The following HEXB variants were observed in gnomAD, a reference collection of about 807,000 sequenced individuals.
HEXB encodes hexosaminidase subunit beta.
A neutral mutation model predicts 71.2 loss-of-function variants in HEXB; 51 were observed. The observed-to-expected ratio is 0.72, with a 90% confidence interval of 0.57 to 0.90. The LOEUF (loss-of-function observed/expected upper bound fraction) is 0.90. HEXB is among the 40% of genes least tolerant of loss of function. The pLI is 0.00. For missense variants in HEXB, 617 were observed against 677.0 expected, an observed-to-expected ratio of 0.91 and a Z score of 0.98; for synonymous variants, 266 against 249.3, an observed-to-expected ratio of 1.07 and a Z score of -0.63.
chr5:74,714,711 A>AT (rs1254130941), intron 7 of HEXB, among the ~76,000 whole-genome samples: 10 of 152,292 alleles, frequency 6.6e-5, no homozygotes, highest in African/African-American at 1.4e-4. Flanking sequence ...CTATCATGTA[A>AT]TTTTTTTGAG....
intron 1 of HEXB, among the ~76,000 whole-genome samples, chr5:74,673,498 T>A (rs938874961): frequency 2.0e-5 from 3 of 152,154 alleles, no homozygotes; most frequent in Non-Finnish European, 4.4e-5. Flanking sequence ...ACAAATTGTA[T>A]CACTGTCCAT....
intron 1 of HEXB, among the ~76,000 whole-genome samples, chr5:74,651,011 T>C (rs1748096580): frequency 6.6e-6 from 1 of 151,776 alleles, no homozygotes; most frequent in Non-Finnish European, 1.5e-5. Context: ...TCTCTTACAA[T>C]GATGTAATGT....
intron 1 of HEXB, among the ~76,000 whole-genome samples, chr5:74,660,226 T>C (rs1450266077): frequency 4.6e-5 from 7 of 152,218 alleles, no homozygotes; most frequent in South Asian, 4.1e-4. Flanking sequence ...CCAAACAATA[T>C]GTTCAGCCCT....
intron 3 of HEXB, among the ~76,000 whole-genome samples, chr5:74,695,612 G>C (rs1410065967): frequency 6.6e-6 from 1 of 151,130 alleles, no homozygotes; most frequent in Non-Finnish European, 1.5e-5. Context: ...AGGCCGAGGT[G>C]GGTGGATCAC....
chr5:74,708,118 A>ACAGTG lies in HEXB; in HGVS notation c.771+2799_771+2803dup, dbSNP rs1239586182. Among the ~76,000 whole-genome samples the ACAGTG allele has an allele frequency of 1.8e-3, 273 of 152,070 alleles. 3 individuals are homozygous for ACAGTG. Among genetic ancestry groups the ACAGTG allele is most frequent in the African/African-American group, 6.2e-3 (256 of 41,466 alleles). On this transcript the variant is annotated intron_variant, in intron 6 of 13. Transcript: ENST00000261416. ...CGGCAGAAACTCTACAAGCCAGAAG[A>ACAGTG]CAGTGGGGGCCAATATTCAACATTC...
At chr5:74,653,837 C>A (rs1220381973) in intron 1 of HEXB, among the ~76,000 whole-genome samples, 2 of 152,050 alleles carry the variant, frequency 1.3e-5, no homozygotes, top group African/African-American at 4.8e-5. Flanking sequence ...TTATTGAACG[C>A]CTACTATGTG....
Position 74,712,426 on chromosome 5 carries a change from A to G in HEXB, c.772-1080A>G, listed in dbSNP as rs554919803. Among the ~76,000 whole-genome samples, 43 of 134,764 alleles carry G rather than the reference A, an allele frequency of 3.2e-4. No individual in the cohort carries two copies. The South Asian group carries it at 8.5e-3, about 27-fold the overall frequency. The allele number at this position is 134,764 out of a possible 152,430, so 88.4% of individuals were successfully genotyped here. ...GCACATGTACCCTAAAACTTAAAGT[A>G]TGATAATAATAAAAAAAAGAAATGC... On this transcript the variant is annotated intron_variant, in intron 6 of 13. Coordinates refer to ENST00000261416, the MANE Select transcript of HEXB (RefSeq NM_000521.4).
chr5:74,694,327 T>G (rs1260959346), intron 3 of HEXB, among the ~76,000 whole-genome samples: 1 of 152,228 alleles, frequency 6.6e-6, no homozygotes, highest in African/African-American at 2.4e-5. Context: ...TAGGGAATTT[T>G]GTTTCAGCTA....
chr5:74,640,825 T>A (rs1747844829), intron 1 of HEXB: 1 of 152,408 alleles, frequency 6.6e-6, no homozygotes, highest in African/African-American at 2.4e-5. Flanking sequence ...GGAAGCGCAT[T>A]AGCGCGGCCT....
intron 1 of HEXB, among the ~76,000 whole-genome samples, chr5:74,663,966 A>C (rs1366369555): frequency 6.6e-6 from 1 of 151,818 alleles, no homozygotes; most frequent in African/African-American, 2.4e-5. Flanking sequence ...TATCTACAAA[A>C]AACTTTAGGC....
chr5:74,675,737 A>ATTT (rs1748618475), intron 1 of HEXB, among the ~76,000 whole-genome samples: 1 of 152,196 alleles, frequency 6.6e-6, no homozygotes, highest in Non-Finnish European at 1.5e-5. Flanking sequence ...AGGAAGTGAT[A>ATTT]TGACTGACTT....
rs745813684 is a variant in HEXB, at chr5:74,689,419, A to G, written c.391A>G (p.Ile131Val). ...KTQVQQLLVSITLQSECDAFP... is the reference protein window; with the variant it reads ...KTQVQQLLVSVTLQSECDAFP... Reference sequence around the variant, plus strand: ...CCAGGTTCAGCAACTTCTTGTCTCAATCACCCTTCAGTCAGAGTGTGATGC... The same window carrying G: ...CCAGGTTCAGCAACTTCTTGTCTCAGTCACCCTTCAGTCAGAGTGTGATGC... The change falls in exon 2 of 14, where the codon ATC becomes GTC. Residue 131 changes from isoleucine to valine, a missense_variant. Physicochemically the swap from Ile to Val is conservative, Grantham distance 29 (BLOSUM62 3). Transcript: ENST00000261416. The G allele has an allele frequency of 2.5e-6, 4 of 1,613,414 alleles. No homozygotes were observed. Among genetic ancestry groups the G allele is most frequent in the Non-Finnish European group, 3.4e-6 (4 of 1,179,450 alleles).
At chr5:74,649,102 C>G (rs368516844) in intron 1 of HEXB, among the ~76,000 whole-genome samples, 5 of 152,170 alleles carry the variant, frequency 3.3e-5, no homozygotes, top group African/African-American at 9.6e-5. Flanking sequence ...TGAGCAGCCA[C>G]TCTTGCTGTC....
rs150465843 is a variant in HEXB, at chr5:74,715,530, C to G, written c.922C>G (p.Pro308Ala). 138 of 1,611,406 alleles carry G rather than the reference C, an allele frequency of 8.6e-5. No individual in the cohort carries two copies. In the African/African-American group the frequency reaches 1.7e-3, roughly 20 times the overall value. Reference protein sequence around the residue: ...WGKGQKDLLTPCYSRQNKLDS... With the variant: ...WGKGQKDLLTACYSRQNKLDS... ...TCTAGGTCAGAAAGACCTCCTGACT[C>G]CATGTTACAGTAGACAAAACAAGTT... The change falls in exon 8 of 14, where the codon CCA becomes GCA. Residue 308 changes from proline (P) to alanine (A), a missense_variant. Physicochemically the swap from Pro to Ala is conservative, Grantham distance 27. Transcript: ENST00000261416.
chr5:74,656,668 G>A (rs1390885149), intron 1 of HEXB, among the ~76,000 whole-genome samples: 1 of 152,186 alleles, frequency 6.6e-6, no homozygotes, highest in Non-Finnish European at 1.5e-5. Context: ...GCAGTGGCAT[G>A]ATCTTGGCTC....
intron 3 of HEXB, among the ~76,000 whole-genome samples, chr5:74,695,798 G>A (rs545033307): frequency 8.2e-5 from 12 of 146,190 alleles, no homozygotes; most frequent in African/African-American, 2.3e-4. Context: ...CCGAGATCGC[G>A]CCACTGCACT....
At chr5:74,718,513 G>GT in intron 10 of HEXB, 150 bp downstream of exon 10, 1 of 745,560 alleles carries the variant, frequency 1.3e-6, no homozygotes, top group Non-Finnish European at 2.4e-6. Context: ...GCTAGGTTTG[G>GT]TAGAAATAAG....
At chr5:74,665,027 T>G (rs186338420) in intron 1 of HEXB, among the ~76,000 whole-genome samples, 2 of 152,294 alleles carry the variant, frequency 1.3e-5, no homozygotes, top group East Asian at 3.9e-4. Flanking sequence ...ATTCTACTTT[T>G]AAGAACGAAT....
In HEXB at chr5:74,710,764, A is replaced by G. The variant is rs1749520867; in HGVS notation, c.772-2742A>G. On this transcript the variant is annotated intron_variant, in intron 6 of 13. Transcript: ENST00000261416. ...ACCTCTTCAAGGAGAACTACAAACC[A>G]CTGCTCAATGAAATAAAAGAGGATA... Among the ~76,000 whole-genome samples the G allele has an allele frequency of 3.3e-5, 5 of 151,986 alleles. No individual in the cohort carries two copies. The South Asian group carries it at 1.0e-3, about 31-fold the overall frequency.
Sources: allele counts gnomAD v4.1 joint callset (sites outside exome capture counted in the v4.1 genomes callset), GRCh38; gene constraint gnomAD v4.1.1; transcripts MANE v1.5; gene names NCBI Gene and HGNC (gene_info 2026-07-23, HGNC 2026-07-21).